The following ZNF471 variants were observed in gnomAD, a reference collection of about 807,000 sequenced individuals.
ZNF471 encodes EZFIT-related protein 1.
Under a neutral mutation model 13.7 loss-of-function variants are expected in ZNF471, and 7 were observed. The ratio of observed to expected loss-of-function variants is 0.51; its 90% CI spans 0.29 to 0.96. The LOEUF (loss-of-function observed/expected upper bound fraction) is 0.96. ZNF471 is among the 40% of genes least tolerant of loss of function. The pLI is 0.08. For missense variants in ZNF471, 663 were observed against 743.3 expected (o/e 0.89, Z 1.26); for synonymous variants, 218 against 235.6 (o/e 0.93, Z 0.68).
At position 56,522,748 on chromosome 19, in the gene ZNF471, T is replaced by C. The variant is rs1201700946; in HGVS notation, c.257-1576T>C. Among the ~76,000 whole-genome samples, 1 of 151,902 alleles carries C rather than the reference T, an allele frequency of 6.6e-6. No individual in the cohort carries two copies. Among genetic ancestry groups the C allele is most frequent in the Non-Finnish European group, 1.5e-5 (1 of 67,966 alleles). On this transcript the variant is annotated intron_variant, in intron 4 of 4. Coordinates refer to ENST00000308031, the MANE Select transcript of ZNF471 (RefSeq NM_020813.4). This position sits in a 1 kb window ranked among gnomAD's most constrained non-coding sequence, Gnocchi z 4.1. ...ATATTTTTTCTTTTTTTCTTTTTTT[T>C]TTTTTGAGATGGAGTTTCATTCTTG...
intron 2 of ZNF471, among the ~76,000 whole-genome samples, chr19:56,513,062 A>G (rs1038482278): frequency 6.6e-6 from 1 of 152,154 alleles, no homozygotes; most frequent in African/African-American, 2.4e-5. Flanking sequence ...GTTGTCATTA[A>G]AATTCTACCT....
At chr19:56,521,500 A>G (rs8106292) in intron 4 of ZNF471, among the ~76,000 whole-genome samples, 2 of 152,008 alleles carry the variant, frequency 1.3e-5, no homozygotes, top group Non-Finnish European at 2.9e-5. Context: ...TTAGCTGGGC[A>G]TGGTGGCATG....
intron 1 of ZNF471, among the ~76,000 whole-genome samples, chr19:56,511,158 G>T (rs762813596): frequency 4.1e-4 from 62 of 150,528 alleles, no homozygotes; most frequent in Non-Finnish European, 6.9e-4. Context: ...TTTTCAAACA[G>T]TAGACTTTCA....
In ZNF471 at chr19:56,524,786, GA is replaced by G; in HGVS notation, c.723del (p.Ala242ProfsTer147). 1 of 1,613,292 alleles carries G rather than the reference GA, an allele frequency of 6.2e-7. No individual in the cohort carries two copies. The highest frequency in any genetic ancestry group is 8.5e-7 in the Non-Finnish European group (1 of 1,179,740). ...GEKPYACEEC[G>X]KAFKQRQHLA... is the part of the protein sequence containing the mutation. ...AAACCATATGCATGTGAGGAATGTGGAAAAGCCTTCAAGCAAAGGCAACACC... is the reference window on the plus strand; with the variant it reads ...AAACCATATGCATGTGAGGAATGTGGAAAGCCTTCAAGCAAAGGCAACACC... On this transcript the variant is annotated frameshift_variant, in exon 5 of 5. Transcript: ENST00000308031. LOFTEE classifies it low-confidence loss of function (END_TRUNC). The surrounding 1 kb of genome is among the most constrained non-coding windows in gnomAD (Gnocchi z 4.8).
At position 56,510,844 on chromosome 19, in the gene ZNF471, G is replaced by A. The variant is rs2043800044; in HGVS notation, c.-55-673G>A. ...GGGTTTCAGTAAGAAGCAAAGCTGG[G>A]GTGACTGAAGCTCCTAACTGAAGCA... On this transcript the variant is annotated intron_variant, in intron 1 of 4. Transcript: ENST00000308031. This position sits in a 1 kb window ranked among gnomAD's most constrained non-coding sequence, Gnocchi z 4.3. 1.0e-6 allele frequency: 1 copy of A among 985,420 alleles called. No homozygotes were observed. Among genetic ancestry groups the A allele is most frequent in the Non-Finnish European group, 1.2e-6 (1 of 829,934 alleles). 61.0% of individuals were successfully genotyped at this position (985,420 alleles called of 1,614,324 possible). A position where few individuals can be genotyped will look rare whatever the true frequency, so the allele number is the denominator to read the frequency against.
chr19:56,525,479 A>G lies in ZNF471; in HGVS notation c.1412A>G (p.Asn471Ser), dbSNP rs746665208. Residue 471 changes from asparagine to serine, a missense_variant, in exon 5 of 5, where the codon AAT (asparagine) becomes AGT (serine). Coordinates refer to ENST00000308031, the MANE Select transcript of ZNF471 (RefSeq NM_020813.4). ...GAATGTGGGAAAGCCTTTAGGCAGA[A>G]TGTACACCTTGTTAGTCATTTGAGA... The part of the protein sequence containing the change: ...CKECGKAFRQ[N>S]VHLVSHLRIH... 1 of 1,614,174 alleles carries G rather than the reference A, an allele frequency of 6.2e-7. No homozygotes were observed. The highest frequency in any genetic ancestry group is 1.1e-5 in the South Asian group (1 of 91,084).
At chr19:56,523,274 G>T (rs1480035747) in intron 4 of ZNF471, among the ~76,000 whole-genome samples, 1 of 152,076 alleles carries the variant, frequency 6.6e-6, no homozygotes, top group Non-Finnish European at 1.5e-5. Flanking sequence ...CTCAAGAGAA[G>T]GTGGGAAGAT....
intron 4 of ZNF471, among the ~76,000 whole-genome samples, chr19:56,523,806 G>A (rs1600521698): frequency 1.3e-5 from 2 of 152,198 alleles, no homozygotes; most frequent in East Asian, 1.9e-4. Flanking sequence ...CTACATTGAG[G>A]TTTTTGTTTT....
intron 2 of ZNF471, among the ~76,000 whole-genome samples, chr19:56,512,355 A>T (rs1489875140): frequency 6.6e-6 from 1 of 151,310 alleles, no homozygotes; most frequent in African/African-American, 2.4e-5. Context: ...GATTTGTTTT[A>T]TCCTTCACAG....
chr19:56,526,816 T>TG lies in ZNF471; in HGVS notation c.*871dup, dbSNP rs2044054237. On this transcript the variant is annotated 3_prime_UTR_variant, in exon 5 of 5. Transcript: ENST00000308031. Reference sequence around the variant, plus strand: ...ACTGCCTCTCTAGATTCCTCCTCTCTGGGCAGCGCATCTTTGAAAAAAGTG... The same window carrying TG: ...ACTGCCTCTCTAGATTCCTCCTCTCTGGGGCAGCGCATCTTTGAAAAAAGTG... 6.6e-6 allele frequency: 1 copy of TG among 152,344 alleles called. No homozygotes were observed. The highest frequency in any genetic ancestry group is 6.5e-5 in the Admixed American group (1 of 15,276). 9.4% of individuals were successfully genotyped at this position (152,344 alleles called of 1,614,324 possible).
At chr19:56,523,730 A>G (rs1324422157) in intron 4 of ZNF471, among the ~76,000 whole-genome samples, 6 of 152,204 alleles carry the variant, frequency 3.9e-5, no homozygotes, top group African/African-American at 1.4e-4. Context: ...AGCTTAATTT[A>G]TAGTCTGTTA....
chr19:56,518,548 CGAGT>C lies in ZNF471; in HGVS notation c.231_234del (p.Ser77ArgfsTer2), dbSNP rs1249571266. On this transcript the variant is annotated frameshift_variant, in exon 4 of 5. Coordinates refer to ENST00000308031, the MANE Select transcript of ZNF471 (RefSeq NM_020813.4). LOFTEE classifies it low-confidence loss of function (END_TRUNC). ...CAAGGGAGAGAGCCTTGGGAGATGA[CGAGT>C]GAGATGACAAGAAGCCCATTCTCAG... 2 of 1,612,844 alleles carry C rather than the reference CGAGT, an allele frequency of 1.2e-6. No individual in the cohort carries two copies. The highest frequency in any genetic ancestry group is 1.7e-6 in the Non-Finnish European group (2 of 1,179,574).
rs1157436852 is a variant in ZNF471 at position 56,522,217 on chromosome 19, A to G, written c.257-2107A>G. Among the ~76,000 whole-genome samples the G allele has an allele frequency of 6.6e-6, 1 of 152,192 alleles. No homozygotes were observed. Among genetic ancestry groups the G allele is most frequent in the African/African-American group, 2.4e-5 (1 of 41,444 alleles). On this transcript the variant is annotated intron_variant, in intron 4 of 4. Coordinates refer to ENST00000308031, the MANE Select transcript of ZNF471 (RefSeq NM_020813.4). This position sits in a 1 kb window ranked among gnomAD's most constrained non-coding sequence, Gnocchi z 4.1. ...CATTTCTCCATCATTAAGTGACACAAGACTATTTTGTTATAGCAACCCAAG... is the reference window on the plus strand; with the variant it reads ...CATTTCTCCATCATTAAGTGACACAGGACTATTTTGTTATAGCAACCCAAG...
rs2043812232 is a variant in ZNF471, at chr19:56,511,562, G to T, written c.-10G>T. 1.9e-6 allele frequency: 3 copies of T among 1,614,046 alleles called. No individual in the cohort carries two copies. The highest frequency in any genetic ancestry group is 1.7e-6 in the Non-Finnish European group (2 of 1,179,954). On this transcript the variant is annotated 5_prime_UTR_variant, in exon 2 of 5. It introduces an in-frame stop codon into an upstream open reading frame of the 5' UTR. Coordinates refer to ENST00000308031, the MANE Select transcript of ZNF471 (RefSeq NM_020813.4). ...GTTCTTCAAGAGAAAGACCAGAAGAGAAGGCAAAAATGAATGTTGAAGTAG... is the reference window on the plus strand; with the variant it reads ...GTTCTTCAAGAGAAAGACCAGAAGATAAGGCAAAAATGAATGTTGAAGTAG...
intron 2 of ZNF471, among the ~76,000 whole-genome samples, chr19:56,513,685 A>G (rs897059940): frequency 6.6e-6 from 1 of 152,124 alleles, no homozygotes; most frequent in Non-Finnish European, 1.5e-5. Flanking sequence ...CTTGTTGGAT[A>G]ATTCCATTAT....
In ZNF471 at chr19:56,525,908, T is replaced by G; in HGVS notation, c.1841T>G (p.Leu614Ter). Residue 614 changes from leucine to a stop codon, truncating the protein, a stop_gained, in exon 5 of 5, where the codon TTA (leucine) becomes TGA (stop). Transcript: ENST00000308031. LOFTEE classifies it low-confidence loss of function (END_TRUNC). ...CGKAFRRKLS[L>*]ICHQRSHTGE... ...AAGGCGTTCAGAAGAAAGTTATCCT[T>G]AATTTGTCATCAAAGAAGTCATACT... 6.3e-7 allele frequency: 1 copy of G among 1,577,872 alleles called. No homozygotes were observed. Among genetic ancestry groups the G allele is most frequent in the Non-Finnish European group, 8.6e-7 (1 of 1,166,258 alleles).
intron 1 of ZNF471, chr19:56,509,728 T>TGTGA (rs1014238933): frequency 6.1e-5 from 14 of 230,116 alleles, no homozygotes; most frequent in Non-Finnish European, 1.0e-4. Flanking sequence ...TGTGTGTGTG[T>TGTGA]GTGTGTGTGT....
chr19:56,524,772 A>G lies in ZNF471; in HGVS notation c.705A>G (p.Ala235=). 1.2e-6 allele frequency: 2 copies of G among 1,613,132 alleles called. No homozygotes were observed. Among genetic ancestry groups the G allele is most frequent in the Non-Finnish European group, 1.7e-6 (2 of 1,179,660 alleles). Residue 235 remains alanine (A), a synonymous_variant, in exon 5 of 5, where the codon GCA becomes GCG. Transcript: ENST00000308031. This position sits in a 1 kb window ranked among gnomAD's most constrained non-coding sequence, Gnocchi z 4.8. The part of the protein sequence containing the change: ...FRIHTGEKPY[A]CEECGKAFKQ... ...TTCATACTGGTGAAAAACCATATGC[A>G]TGTGAGGAATGTGGAAAAGCCTTCA...
chr19:56,526,142 T>G lies in ZNF471; in HGVS notation c.*194T>G. ...GAGATCAACGCAGAAGGTGGGTGCT[T>G]TCTGTATTTCCAGCTGAGGTACCTG... On this transcript the variant is annotated 3_prime_UTR_variant, in exon 5 of 5. Transcript: ENST00000308031. 7.4e-6 allele frequency: 4 copies of G among 538,648 alleles called. No homozygotes were observed. In the South Asian group the frequency reaches 1.4e-4, roughly 19 times the overall value. The allele number at this position is 538,648 out of a possible 1,614,324, so 33.4% of individuals were successfully genotyped here. A position where few individuals can be genotyped will look rare whatever the true frequency, so the allele number is the denominator to read the frequency against.
Sources: allele counts gnomAD v4.1 joint callset (sites outside exome capture counted in the v4.1 genomes callset), GRCh38; gene constraint gnomAD v4.1.1; non-coding constraint Gnocchi (gnomAD v3.1); transcripts MANE v1.5; gene names NCBI Gene and HGNC (gene_info 2026-07-23, HGNC 2026-07-21).